The following PICALM variants were observed in gnomAD, a reference collection of about 807,000 sequenced individuals.
The protein encoded by PICALM is phosphatidylinositol-binding clathrin assembly protein.
PICALM carries 40 observed loss-of-function variants against 80.5 expected under a neutral mutation model. That is an observed-to-expected ratio of 0.50 (90% CI 0.39 to 0.65). The LOEUF (loss-of-function observed/expected upper bound fraction) is 0.65, where lower values mean the gene tolerates loss of function less well. PICALM is among the 30% of genes least tolerant of loss of function. PICALM has a pLI of 0.00. For synonymous variants in PICALM, 288 were observed against 260.3 expected (o/e 1.11, Z -1.02); for missense variants, 676 against 778.9 (o/e 0.87, Z 1.57).
At chr11:86,058,079 A>G (rs956355563) in intron 1 of PICALM, among the ~76,000 whole-genome samples, 2 of 152,190 alleles carry the variant, frequency 1.3e-5, no homozygotes, top group Non-Finnish European at 2.9e-5. Context: ...AGACTTGCCA[A>G]TCCTCTGCAG....
At chr11:86,026,432 G>A (rs1364713438) in intron 2 of PICALM, 65 bp from the exon 3 acceptor site, 8 of 912,670 alleles carry the variant, frequency 8.8e-6, no homozygotes, top group Non-Finnish European at 1.4e-5. Flanking sequence ...TCGAAAATTA[G>A]GAGGAAAAGT....
At chr11:85,975,046 C>G (rs80326324) in intron 18 of PICALM, among the ~76,000 whole-genome samples, 2 of 152,068 alleles carry the variant, frequency 1.3e-5, no homozygotes, top group African/African-American at 4.8e-5. Flanking sequence ...CAAAGCCTAA[C>G]TTTTTCTATT....
intron 8 of PICALM, among the ~76,000 whole-genome samples, chr11:86,005,904 G>C (rs1314352089): frequency 6.6e-6 from 1 of 152,084 alleles, no homozygotes; most frequent in Admixed American, 6.6e-5. Flanking sequence ...AGAATGCCTG[G>C]CAAGTTACCT....
rs1475459942 is a variant in PICALM, at chr11:85,964,549, C to T, written c.1945-5489G>A. Among the ~76,000 whole-genome samples, 3 of 152,324 alleles carry T rather than the reference C, an allele frequency of 2.0e-5. No homozygotes were observed. In the South Asian group the frequency reaches 6.2e-4, roughly 32 times the overall value. On this transcript the variant is annotated intron_variant, in intron 19 of 19. Coordinates refer to ENST00000393346, the MANE Select transcript of PICALM (RefSeq NM_007166.4). Reference sequence around the variant, plus strand: ...CACAAGCACTCAGCATGCTGCCTGGCATATATTAAGTAGCTCAAATATTCT... The same window carrying T: ...CACAAGCACTCAGCATGCTGCCTGGTATATATTAAGTAGCTCAAATATTCT...
intron 1 of PICALM, among the ~76,000 whole-genome samples, chr11:86,066,112 T>C (rs189784448): frequency 9.8e-5 from 15 of 152,318 alleles, no homozygotes; most frequent in Middle Eastern, 3.4e-3. Flanking sequence ...GGTTTCTGTA[T>C]TAAAGCCTAA....
chr11:85,969,475 G>A (rs1192222093), intron 19 of PICALM, among the ~76,000 whole-genome samples: 1 of 152,122 alleles, frequency 6.6e-6, no homozygotes, highest in Non-Finnish European at 1.5e-5. Context: ...CAAAGAGATG[G>A]ATGATCTCTG....
In PICALM at chr11:85,981,941, C is replaced by T. The variant is rs1001132411; in HGVS notation, c.1579G>A (p.Val527Ile). ...TVASQNQNLP[V>I]AKLPPSKLVS... ...AACTTGCTAGGTGGGAGTTTGGCAA[C>T]AGGAAGGTTCTGGTTCTGAGAGGCC... Residue 527 changes from valine (V) to isoleucine (I), a missense_variant, in exon 15 of 20, where the codon GTT becomes ATT. Physicochemically the swap from Val to Ile is conservative, Grantham distance 29. This residue lies in a region of PICALM where 391 missense variants were observed against 383.6 expected (regional missense o/e 1.02). Transcript: ENST00000393346. 3.1e-6 allele frequency: 5 copies of T among 1,613,156 alleles called. No homozygotes were observed. Among genetic ancestry groups the T allele is most frequent in the Non-Finnish European group, 1.7e-6 (2 of 1,179,214 alleles).
chr11:86,023,512 C>G, intron 3 of PICALM: 5 of 984,706 alleles, frequency 5.1e-6, no homozygotes, highest in Non-Finnish European at 6.0e-6. Context: ...ACGGTAAACA[C>G]CTCTCATCCT....
At position 85,988,219 on chromosome 11, in the gene PICALM, C is replaced by T. The variant is rs960131824; in HGVS notation, c.1408+2031G>A. Among the ~76,000 whole-genome samples, 5 of 152,114 alleles carry T rather than the reference C, an allele frequency of 3.3e-5. No individual in the cohort carries two copies. The South Asian group carries it at 6.2e-4, about 19-fold the overall frequency. ...CATAGATAATACAAAACTTCAGATTCCATAACCTTGTAATATTAAAACGTT... is the reference window on the plus strand; with the variant it reads ...CATAGATAATACAAAACTTCAGATTTCATAACCTTGTAATATTAAAACGTT... On this transcript the variant is annotated intron_variant, in intron 13 of 19. Transcript: ENST00000393346.
At chr11:86,045,698 A>G (rs1033435703) in intron 1 of PICALM, among the ~76,000 whole-genome samples, 22 of 152,252 alleles carry the variant, frequency 1.4e-4, no homozygotes, top group African/African-American at 5.1e-4. Context: ...TCAAAACCAC[A>G]TTCTATCTAT....
chr11:86,059,904 A>C (rs1427891991), intron 1 of PICALM, among the ~76,000 whole-genome samples: 1 of 152,040 alleles, frequency 6.6e-6, no homozygotes, highest in Non-Finnish European at 1.5e-5. Context: ...AATAATCAAG[A>C]GTTCCAATTA....
intron 9 of PICALM, among the ~76,000 whole-genome samples, chr11:86,001,972 C>T (rs1032287604): frequency 2.6e-5 from 4 of 151,920 alleles, no homozygotes; most frequent in Admixed American, 1.3e-4. Flanking sequence ...CTCTTAAGCA[C>T]GTAAAGTGGT....
rs536774140 is a variant in PICALM at position 86,013,964 on chromosome 11, T to A, written c.546+906A>T. Reference sequence around the variant, plus strand: ...GTTGGAATTTCATGTAACTTCCACCTGTTACAAAATACCATTTAATTATTT... The same window carrying A: ...GTTGGAATTTCATGTAACTTCCACCAGTTACAAAATACCATTTAATTATTT... On this transcript the variant is annotated intron_variant, in intron 5 of 19. Transcript: ENST00000393346. 3.8e-4 allele frequency among the ~76,000 whole-genome samples: 58 copies of A among 152,340 alleles called. No homozygotes were observed. In the South Asian group the frequency reaches 0.011, roughly 29 times the overall value.
chr11:86,023,004 A>C (rs1055523384), intron 3 of PICALM, among the ~76,000 whole-genome samples: 1 of 152,212 alleles, frequency 6.6e-6, no homozygotes, highest in Non-Finnish European at 1.5e-5. Context: ...AATTATATGA[A>C]TGTTTTCAAT....
chr11:85,985,677 C>T (rs982201740), intron 13 of PICALM, among the ~76,000 whole-genome samples: 1 of 152,162 alleles, frequency 6.6e-6, no homozygotes, highest in Non-Finnish European at 1.5e-5. Context: ...TAACTCTTTA[C>T]ATAAAAAGCG....
chr11:86,028,824 C>T (rs1332321130), intron 2 of PICALM, among the ~76,000 whole-genome samples: 1 of 144,102 alleles, frequency 6.9e-6, no homozygotes, highest in Non-Finnish European at 1.5e-5. Context: ...CTGTGCATTA[C>T]TGTTTTTAAT....
At chr11:85,960,049 A>G (rs2093636159) in intron 19 of PICALM, among the ~76,000 whole-genome samples, 1 of 152,208 alleles carries the variant, frequency 6.6e-6, no homozygotes, top group Non-Finnish European at 1.5e-5. Context: ...TCCAAATGAT[A>G]TACAATTAGA....
At chr11:86,049,019 G>A (rs1285278192) in intron 1 of PICALM, among the ~76,000 whole-genome samples, 2 of 152,130 alleles carry the variant, frequency 1.3e-5, no homozygotes, top group Non-Finnish European at 1.5e-5. Context: ...AGGGCCGGGT[G>A]CGGTGGCTCC....
chr11:86,003,666 G>T (rs1271091170), intron 8 of PICALM: 1 of 363,724 alleles, frequency 2.7e-6, no homozygotes, highest in Non-Finnish European at 4.9e-6. Context: ...TATCAAAAAC[G>T]TTAAGAACTG....
Sources: allele counts gnomAD v4.1 joint callset (sites outside exome capture counted in the v4.1 genomes callset), GRCh38; gene constraint gnomAD v4.1.1; regional missense constraint gnomAD v4.1.1; transcripts MANE v1.5; gene names NCBI Gene and HGNC (gene_info 2026-07-23, HGNC 2026-07-21).